NFIX: variants seen among roughly 807,000 people sequenced by gnomAD.
NFIX encodes the protein nuclear factor 1 X-type.
Under a neutral mutation model 53.3 loss-of-function variants are expected in NFIX, and 2 were observed. The ratio of observed to expected loss-of-function variants is 0.04; its 90% CI spans 0.02 to 0.12. NFIX has a LOEUF of 0.12. NFIX is among the 10% of genes least tolerant of loss of function. The probability of loss-of-function intolerance (pLI) is 1.00; values close to 1 mark genes in which losing one functional copy is unlikely to be tolerated. For missense variants in NFIX, 310 were observed against 674.5 expected (o/e 0.46, Z 5.99); for synonymous variants, 244 against 289.0 (o/e 0.84, Z 1.58).
chr19:13,024,112 CCAA>C, intron 1 of NFIX: 2 of 585,718 alleles, frequency 3.4e-6, no homozygotes, highest in Non-Finnish European at 5.3e-6. Flanking sequence ...AAGCAAACAA[CCAA>C]AAAAAAAAAA....
intron 8 of NFIX, among the ~76,000 whole-genome samples, chr19:13,087,085 G>C: frequency 6.6e-6 from 1 of 152,204 alleles, no homozygotes; most frequent in East Asian, 1.9e-4. Flanking sequence ...AGCAGCAGGA[G>C]GTGTGTGCCC....
rs1189327819 is a variant in NFIX at position 13,060,021 on chromosome 19, C to A, written c.560-13026C>A. 6.6e-6 allele frequency among the ~76,000 whole-genome samples: 1 copy of A among 152,080 alleles called. No individual in the cohort carries two copies. Among genetic ancestry groups the A allele is most frequent in the East Asian group, 1.9e-4 (1 of 5,182 alleles). On this transcript the variant is annotated intron_variant, in intron 2 of 10. Coordinates refer to ENST00000592199, the MANE Select transcript of NFIX (RefSeq NM_001365902.3). This position sits in a 1 kb window ranked among gnomAD's most constrained non-coding sequence, Gnocchi z 4.3. ...CTGGGTGGTCTCGAACTCCTGAGCT[C>A]AGGCGATCCACTCGCCTCAGCCTCT...
chr19:13,061,969 C>T (rs756198239), intron 2 of NFIX, among the ~76,000 whole-genome samples: 4 of 152,076 alleles, frequency 2.6e-5, no homozygotes, highest in African/African-American at 7.2e-5. Context: ...CACTCGGTGC[C>T]GTCCTATTCA....
intron 2 of NFIX, among the ~76,000 whole-genome samples, chr19:13,044,495 C>T (rs899476961): frequency 1.3e-5 from 2 of 152,022 alleles, no homozygotes; most frequent in Admixed American, 6.5e-5. Flanking sequence ...ACCCCAACAA[C>T]GTAAGAGGAA....
rs3046151 is a variant in NFIX at position 12,996,142 on chromosome 19, CGTGTGTGT to C, written c.27+300_27+307del. Among the ~76,000 whole-genome samples the C allele has an allele frequency of 1.7e-3, 245 of 145,786 alleles. 1 individual carries two copies. Among genetic ancestry groups the C allele is most frequent in the Non-Finnish European group, 2.6e-3 (172 of 65,660 alleles). ...TGGAGCGCAGGCGGGAGTGCGTGTA[CGTGTGTGT>C]GTGTGTGTGTGTGTGTGTGTGCGCG... On this transcript the variant is annotated intron_variant, in intron 1 of 10. Transcript: ENST00000592199. This position sits in a 1 kb window ranked among gnomAD's most constrained non-coding sequence, Gnocchi z 5.2.
chr19:13,004,304 T>C (rs2011890977), intron 1 of NFIX, among the ~76,000 whole-genome samples: 1 of 151,972 alleles, frequency 6.6e-6, no homozygotes, highest in Non-Finnish European at 1.5e-5. Flanking sequence ...TGCACCCACA[T>C]ACACAGTCAC....
rs368821406 is a variant in NFIX at position 13,073,359 on chromosome 19, G to A, written c.623-63G>A. 13 of 1,403,094 alleles carry A rather than the reference G, an allele frequency of 9.3e-6. No homozygotes were observed. Among genetic ancestry groups the A allele is most frequent in the East Asian group, 9.1e-5 (4 of 43,886 alleles). The allele number at this position is 1,403,094 out of a possible 1,614,324, so 86.9% of individuals were successfully genotyped here. On this transcript the variant is annotated intron_variant, in intron 3 of 10. Coordinates refer to ENST00000592199, the MANE Select transcript of NFIX (RefSeq NM_001365902.3). This position sits in a 1 kb window ranked among gnomAD's most constrained non-coding sequence, Gnocchi z 4.5. ...AGAAGCAACAGTGTGGAAGACCTTTGGAAATAGCCAGGCAGCCCCCTTCTG... is the reference window on the plus strand; with the variant it reads ...AGAAGCAACAGTGTGGAAGACCTTTAGAAATAGCCAGGCAGCCCCCTTCTG...
rs2011566368 is a variant in NFIX at position 12,998,862 on chromosome 19, C to T, written c.27+2998C>T. ...TGTAGGCTTAGCGACACAGCAGTAC[C>T]TCTTTGACGCACGTATGGACACAGG... On this transcript the variant is annotated intron_variant, in intron 1 of 10. Coordinates refer to ENST00000592199, the MANE Select transcript of NFIX (RefSeq NM_001365902.3). This position sits in a 1 kb window ranked among gnomAD's most constrained non-coding sequence, Gnocchi z 4.4. Among the ~76,000 whole-genome samples the T allele has an allele frequency of 6.6e-6, 1 of 152,154 alleles. No individual in the cohort carries two copies. Among genetic ancestry groups the T allele is most frequent in the African/African-American group, 2.4e-5 (1 of 41,396 alleles).
Position 13,025,845 on chromosome 19 carries a change from G to C in NFIX, c.559+293G>C, listed in dbSNP as rs1184019329. ...GAAAGATGCTGCAGGTCTTAGGATTGGGGACATGATGCCCCCAGAATTATC... is the reference window on the plus strand; with the variant it reads ...GAAAGATGCTGCAGGTCTTAGGATTCGGGACATGATGCCCCCAGAATTATC... On this transcript the variant is annotated intron_variant, in intron 2 of 10. Coordinates refer to ENST00000592199, the MANE Select transcript of NFIX (RefSeq NM_001365902.3). This position sits in a 1 kb window ranked among gnomAD's most constrained non-coding sequence, Gnocchi z 7.5. Among the ~76,000 whole-genome samples, 2 of 152,118 alleles carry C rather than the reference G, an allele frequency of 1.3e-5. No individual in the cohort carries two copies. Among genetic ancestry groups the C allele is most frequent in the Non-Finnish European group, 2.9e-5 (2 of 68,042 alleles).
chr19:13,024,816 G>A, intron 1 of NFIX: 1 of 1,393,738 alleles, frequency 7.2e-7, no homozygotes, highest in Non-Finnish European at 9.8e-7. Context: ...CAAGTGGCTG[G>A]CGAAGCTGGT....
rs960425102 is a variant in NFIX at position 13,049,739 on chromosome 19, G to A, written c.560-23308G>A. On this transcript the variant is annotated intron_variant, in intron 2 of 10. Transcript: ENST00000592199. This position sits in a 1 kb window ranked among gnomAD's most constrained non-coding sequence, Gnocchi z 4.5. ...CTCCTAAGTAGCTGGGACTACAGGC[G>A]CCCGCCACCATGCCCAGCTAATTTT... 6.6e-6 allele frequency among the ~76,000 whole-genome samples: 1 copy of A among 151,876 alleles called. No homozygotes were observed. Among genetic ancestry groups the A allele is most frequent in the Non-Finnish European group, 1.5e-5 (1 of 67,982 alleles).
Position 13,005,638 on chromosome 19 carries a change from C to T in NFIX, c.27+9774C>T, listed in dbSNP as rs1296529708. 6.6e-6 allele frequency among the ~76,000 whole-genome samples: 1 copy of T among 152,234 alleles called. No homozygotes were observed. The highest frequency in any genetic ancestry group is 1.5e-5 in the Non-Finnish European group (1 of 68,008). ...AGGTATCCAGTGCTAGGGTCAAGGG[C>T]GGGGAGCTCTTTCTTCAAGATCGTC... On this transcript the variant is annotated intron_variant, in intron 1 of 10. Transcript: ENST00000592199. This position sits in a 1 kb window ranked among gnomAD's most constrained non-coding sequence, Gnocchi z 4.7.
chr19:13,087,137 G>A (rs1187750597), intron 8 of NFIX, among the ~76,000 whole-genome samples: 2 of 152,210 alleles, frequency 1.3e-5, no homozygotes, highest in East Asian at 1.9e-4. Context: ...GCCTGGGAGA[G>A]GCAGGGGCGC....
rs141583624 is a variant in NFIX, at chr19:13,088,835, C to CTTTCT, written c.1402+718_1402+722dup. ...TTACTTCATCTCTCTCTCTGTCTCT[C>CTTTCT]TTTCTTTTCTTTTCTTTTCTTTTTT... On this transcript the variant is annotated intron_variant, in intron 9 of 10. Transcript: ENST00000592199. This position sits in a 1 kb window ranked among gnomAD's most constrained non-coding sequence, Gnocchi z 5.9. Among the ~76,000 whole-genome samples, 21 of 151,858 alleles carry CTTTCT rather than the reference C, an allele frequency of 1.4e-4. 1 individual carries two copies. Among genetic ancestry groups the CTTTCT allele is most frequent in the East Asian group, 3.9e-4 (2 of 5,172 alleles).
At chr19:13,062,294 G>A (rs770366211) in intron 2 of NFIX, among the ~76,000 whole-genome samples, 1 of 152,250 alleles carries the variant, frequency 6.6e-6, no homozygotes. Context: ...CTGGACATGA[G>A]TGTCGGTGGT....
At chr19:13,046,683 G>T (rs1316834992) in intron 2 of NFIX, among the ~76,000 whole-genome samples, 1 of 152,110 alleles carries the variant, frequency 6.6e-6, no homozygotes. Context: ...CTGTAAATAG[G>T]CTGTGAGGCA....
At position 13,012,892 on chromosome 19, in the gene NFIX, G is replaced by T. The variant is rs1366502920; in HGVS notation, c.28-12129G>T. Among the ~76,000 whole-genome samples the T allele has an allele frequency of 6.6e-6, 1 of 152,114 alleles. No individual in the cohort carries two copies. The highest frequency in any genetic ancestry group is 6.6e-5 in the Admixed American group (1 of 15,262). On this transcript the variant is annotated intron_variant, in intron 1 of 10. Coordinates refer to ENST00000592199, the MANE Select transcript of NFIX (RefSeq NM_001365902.3). This position sits in a 1 kb window ranked among gnomAD's most constrained non-coding sequence, Gnocchi z 5.0. ...TCAATCCCCGAGCCTTCTCTTTTGGGGGAGTAAAGGCGGGGAAATTTACCA... is the reference window on the plus strand; with the variant it reads ...TCAATCCCCGAGCCTTCTCTTTTGGTGGAGTAAAGGCGGGGAAATTTACCA...
Position 13,001,749 on chromosome 19 carries a change from C to A in NFIX, c.27+5885C>A, listed in dbSNP as rs1335405672. ...GACAATCACTGTGGGTCTCACCCCA[C>A]GGGCGCCTCTCCTGGGCATTCCCTT... On this transcript the variant is annotated intron_variant, in intron 1 of 10. Transcript: ENST00000592199. This position sits in a 1 kb window ranked among gnomAD's most constrained non-coding sequence, Gnocchi z 6.5. Among the ~76,000 whole-genome samples, 1 of 152,188 alleles carries A rather than the reference C, an allele frequency of 6.6e-6. No individual in the cohort carries two copies. The highest frequency in any genetic ancestry group is 2.4e-5 in the African/African-American group (1 of 41,444).
rs933182672 is a variant in NFIX at position 13,022,389 on chromosome 19, G to A, written c.28-2632G>A. Among the ~76,000 whole-genome samples the A allele has an allele frequency of 6.6e-6, 1 of 152,090 alleles. No individual in the cohort carries two copies. Among genetic ancestry groups the A allele is most frequent in the African/African-American group, 2.4e-5 (1 of 41,420 alleles). On this transcript the variant is annotated intron_variant, in intron 1 of 10. Coordinates refer to ENST00000592199, the MANE Select transcript of NFIX (RefSeq NM_001365902.3). This position sits in a 1 kb window ranked among gnomAD's most constrained non-coding sequence, Gnocchi z 4.5. The stretch of plus-strand genomic sequence containing the variant: ...CGTGTGGGGTGCTGGCCTCCCCCTT[G>A]TCTGAGAGTGCTCCTTCAGCAGCCA...
Sources: allele counts gnomAD v4.1 joint callset (sites outside exome capture counted in the v4.1 genomes callset), GRCh38; gene constraint gnomAD v4.1.1; non-coding constraint Gnocchi (gnomAD v3.1); transcripts MANE v1.5; gene names NCBI Gene and HGNC (gene_info 2026-07-23, HGNC 2026-07-21).